IL19: variants seen among roughly 807,000 people sequenced by gnomAD.
IL19 encodes the protein interleukin 19, also known as interleukin-19.
In IL19, 15 loss-of-function variants were observed where a neutral mutation model predicts 19.5. The observed-to-expected ratio is 0.77, with a 90% CI of 0.52 to 1.19. The LOEUF (loss-of-function observed/expected upper bound fraction) is 1.19, where lower values mean the gene tolerates loss of function less well. Ranked by LOEUF, IL19 falls within the 50% of genes most tolerant of loss-of-function variation. The probability of loss-of-function intolerance (pLI) is 0.00; values close to 1 mark genes in which losing one functional copy is unlikely to be tolerated. For missense variants in IL19, 199 were observed against 213.1 expected, an observed-to-expected ratio of 0.93 and a Z score of 0.41; for synonymous variants, 78 against 78.3, an observed-to-expected ratio of 1.00 and a Z score of 0.02.
At chr1:206,834,898 C>T (rs1676732867) in intron 2 of IL19, among the ~76,000 whole-genome samples, 1 of 152,126 alleles carries the variant, frequency 6.6e-6, no homozygotes, top group Admixed American at 6.5e-5. Flanking sequence ...CCCGCCTTCT[C>T]TCAAACCCTG....
chr1:206,789,534 G>C (rs1314758414), intron 1 of IL19, among the ~76,000 whole-genome samples: 2 of 152,098 alleles, frequency 1.3e-5, no homozygotes, highest in East Asian at 3.8e-4. Context: ...TTTTATGGCT[G>C]AGTGGTACTC....
chr1:206,832,173 C>A (rs1676627527), intron 2 of IL19, among the ~76,000 whole-genome samples: 1 of 152,252 alleles, frequency 6.6e-6, no homozygotes, highest in Admixed American at 6.5e-5. Context: ...TCCAAAGGAG[C>A]AGAAAGATGT....
chr1:206,806,847 A>G (rs1675859991), intron 2 of IL19, among the ~76,000 whole-genome samples: 1 of 152,152 alleles, frequency 6.6e-6, no homozygotes, highest in Middle Eastern at 3.2e-3. Flanking sequence ...CATTTTGTAC[A>G]TGTCATCCAA....
rs141906021 is a variant in IL19, at chr1:206,799,003, C to G, written c.-6C>G. 1 of 1,605,914 alleles carries G rather than the reference C, an allele frequency of 6.2e-7. No homozygotes were observed. Among genetic ancestry groups the G allele is most frequent in the Non-Finnish European group, 8.5e-7 (1 of 1,172,874 alleles). On this transcript the variant is annotated 5_prime_UTR_variant, in exon 2 of 7. Coordinates refer to ENST00000659997, the MANE Select transcript of IL19 (RefSeq NM_153758.5). ...GCCAGTGCTTTGGGGCTCTGTTCCA[C>G]GGGGTAAGTAATTTCTGCTATAGGG... is the stretch of plus-strand genomic sequence containing the variant.
chr1:206,816,942 T>A (rs1676172687), intron 2 of IL19, among the ~76,000 whole-genome samples: 1 of 152,124 alleles, frequency 6.6e-6, no homozygotes, highest in Admixed American at 6.5e-5. Flanking sequence ...AAGAAACAAC[T>A]TGCTGAAAAG....
chr1:206,835,117 T>A (rs747214074), intron 2 of IL19, among the ~76,000 whole-genome samples: 1 of 152,200 alleles, frequency 6.6e-6, no homozygotes, highest in East Asian at 1.9e-4. Flanking sequence ...AAGGGAGACA[T>A]CTTTCTCCTC....
In IL19 at chr1:206,772,208, A is replaced by G. The variant is rs1250426449; in HGVS notation, c.-149+1130A>G. 11 of 1,448,038 alleles carry G rather than the reference A, an allele frequency of 7.6e-6. No individual in the cohort carries two copies. In the South Asian group the frequency reaches 8.0e-5, roughly 11 times the overall value. The allele number at this position is 1,448,038 out of a possible 1,614,324, so 89.7% of individuals were successfully genotyped here. On this transcript the variant is annotated intron_variant, in intron 1 of 6. Coordinates refer to ENST00000659997, the MANE Select transcript of IL19 (RefSeq NM_153758.5). ...GCAGGAGGAGGGTTCTTATAGTTCC[A>G]GGAGAATGTCTAGTTCAGGCAGTCC... is the stretch of plus-strand genomic sequence containing the variant.
chr1:206,775,439 G>T (rs1674968950), intron 1 of IL19, among the ~76,000 whole-genome samples: 1 of 152,078 alleles, frequency 6.6e-6, no homozygotes, highest in African/African-American at 2.4e-5. Flanking sequence ...CCATTGATTT[G>T]AAATTACTGT....
chr1:206,799,930 T>C (rs946684803), intron 2 of IL19, among the ~76,000 whole-genome samples: 4 of 152,236 alleles, frequency 2.6e-5, no homozygotes, highest in South Asian at 2.1e-4. Context: ...CTATTATTTT[T>C]ACAAACATCT....
chr1:206,833,652 A>C, intron 2 of IL19: 1 of 985,438 alleles, frequency 1.0e-6, no homozygotes, highest in South Asian at 4.7e-5. Context: ...TTCTAGCCCA[A>C]GAATAAGGAT....
At chr1:206,774,673 C>G (rs1340307901) in intron 1 of IL19, among the ~76,000 whole-genome samples, 1 of 152,190 alleles carries the variant, frequency 6.6e-6, no homozygotes. Flanking sequence ...ACACACCATG[C>G]CCTGCCGAAT....
chr1:206,806,739 C>T (rs530834882), intron 2 of IL19, among the ~76,000 whole-genome samples: 3 of 152,300 alleles, frequency 2.0e-5, no homozygotes, highest in African/African-American at 7.2e-5. Context: ...CACTATCAAT[C>T]TGGTATCGTG....
At chr1:206,771,418 G>T (rs1396281688) in intron 1 of IL19, 1 of 1,604,700 alleles carries the variant, frequency 6.2e-7, no homozygotes, top group Non-Finnish European at 8.5e-7. Flanking sequence ...TTCATTTGCT[G>T]CAGGAAGAAC....
At chr1:206,838,899 T>A (rs1676900535) in intron 4 of IL19, among the ~76,000 whole-genome samples, 1 of 152,142 alleles carries the variant, frequency 6.6e-6, no homozygotes, top group African/African-American at 2.4e-5. Flanking sequence ...GGTGTAACAT[T>A]TTGCCCTTCT....
intron 2 of IL19, among the ~76,000 whole-genome samples, chr1:206,824,736 T>C (rs942423654): frequency 6.6e-6 from 1 of 152,216 alleles, no homozygotes; most frequent in Admixed American, 6.5e-5. Flanking sequence ...AGCCAGCAAG[T>C]GTGAAAGTTA....
At chr1:206,816,837 A>C (rs1287807187) in intron 2 of IL19, among the ~76,000 whole-genome samples, 1 of 152,204 alleles carries the variant, frequency 6.6e-6, no homozygotes, top group Non-Finnish European at 1.5e-5. Context: ...GAATGCAGAA[A>C]ATGGAGAAAG....
At chr1:206,775,185 C>A (rs150520547) in intron 1 of IL19, among the ~76,000 whole-genome samples, 1 of 151,898 alleles carries the variant, frequency 6.6e-6, no homozygotes, top group Non-Finnish European at 1.5e-5. Context: ...GGACTACAGG[C>A]GCCTGGCACC....
chr1:206,840,953 G>A (rs763973930), intron 5 of IL19, 51 bp from the exon 6 acceptor site: 2 of 1,456,236 alleles, frequency 1.4e-6, no homozygotes, highest in Admixed American at 1.7e-5. Flanking sequence ...GAGTAAGAGA[G>A]GGCCAGAGTG....
At chr1:206,808,418 G>A (rs1046661991) in intron 2 of IL19, among the ~76,000 whole-genome samples, 9 of 152,102 alleles carry the variant, frequency 5.9e-5, no homozygotes, top group Non-Finnish European at 1.0e-4. Context: ...AGAATTAACC[G>A]TGCATGTAGA....
Sources: allele counts gnomAD v4.1 joint callset (sites outside exome capture counted in the v4.1 genomes callset), GRCh38; gene constraint gnomAD v4.1.1; transcripts MANE v1.5; gene names NCBI Gene and HGNC (gene_info 2026-07-23, HGNC 2026-07-21).